The following NAT9 variants were observed in gnomAD, a reference collection of about 807,000 sequenced individuals.
The protein encoded by NAT9 is N-acetyltransferase 9.
In NAT9, 18 loss-of-function variants were observed where a neutral mutation model predicts 24.0. The observed-to-expected ratio is 0.75, with a 90% CI of 0.52 to 1.11. The LOEUF is 1.11. NAT9 is among the 50% of genes most tolerant of loss of function. The probability of loss-of-function intolerance (pLI) is 0.00; values close to 1 mark genes in which losing one functional copy is unlikely to be tolerated. For missense variants in NAT9, 254 were observed against 258.6 expected (o/e 0.98, Z 0.12); for synonymous variants, 104 against 102.3 (o/e 1.02, Z -0.10).
At chr17:74,773,307 G>T in intron 3 of NAT9, 1 of 590,718 alleles carries the variant, frequency 1.7e-6, no homozygotes, top group Non-Finnish European at 3.0e-6. Context: ...AGGGACATGA[G>T]GGGCAGGGCC....
rs994505556 is a variant in NAT9, at chr17:74,771,643, C to T, written c.*81G>A. ...TCCCAGCCTGGGCCAGGAGCACTCT[C>T]CCAGTGCAGGGCTCTGGTCTTTGAA... On this transcript the variant is annotated 3_prime_UTR_variant, in exon 7 of 7. Coordinates refer to ENST00000357814, the MANE Select transcript of NAT9 (RefSeq NM_015654.5). 1.3e-6 allele frequency: 2 copies of T among 1,573,350 alleles called. No homozygotes were observed. The highest frequency in any genetic ancestry group is 2.7e-5 in the African/African-American group (2 of 74,310).
intron 3 of NAT9, 196 bp from the exon 4 acceptor site, chr17:74,773,235 C>A: frequency 1.5e-6 from 1 of 670,652 alleles, no homozygotes; most frequent in South Asian, 2.0e-5. Context: ...CTCCAACCAG[C>A]AACCAAATTC....
In NAT9 at chr17:74,775,677, A is replaced by G. The variant is rs753056956; in HGVS notation, c.22T>C (p.Leu8=). 3.1e-6 allele frequency: 5 copies of G among 1,613,950 alleles called. No homozygotes were observed. Among genetic ancestry groups the G allele is most frequent in the African/African-American group, 2.7e-5 (2 of 74,890 alleles). Residue 8 remains leucine, a synonymous_variant, in exon 2 of 7, where the codon TTG becomes CTG. Coordinates refer to ENST00000357814, the MANE Select transcript of NAT9 (RefSeq NM_015654.5). Reference sequence around the variant, plus strand: ...AGGACCACCTTCTTCCCCAGCAGCAAGGTGTTCTGATTCAACCTCATGGTA... The same window carrying G: ...AGGACCACCTTCTTCCCCAGCAGCAGGGTGTTCTGATTCAACCTCATGGTA... MRLNQNT[L]LLGKKVVLVP...
chr17:74,772,110 G>A (rs878949037), intron 5 of NAT9, 56 bp from the exon 6 acceptor site: 7 of 1,613,774 alleles, frequency 4.3e-6, no homozygotes, highest in South Asian at 3.3e-5. Flanking sequence ...CCACCCTCCT[G>A]TCCCAAGCTG....
rs940015071 is a variant in NAT9 at position 74,773,485 on chromosome 17, C to T, written c.190+91G>A. The T allele has an allele frequency of 4.1e-5, 47 of 1,140,852 alleles. No homozygotes were observed. The African/African-American group carries it at 4.1e-4, about 10-fold the overall frequency. 70.7% of individuals were successfully genotyped at this position (1,140,852 alleles called of 1,614,324 possible). Reference sequence around the variant, plus strand: ...AGGCTTTTCACAAAGCTTCTATGGCCGGGGCTGGGAAAGGGAAGGAACCTG... The same window carrying T: ...AGGCTTTTCACAAAGCTTCTATGGCTGGGGCTGGGAAAGGGAAGGAACCTG... On this transcript the variant is annotated intron_variant, in intron 3 of 6. Transcript: ENST00000357814.
Position 74,771,310 on chromosome 17 carries a change from A to C in NAT9, c.*414T>G. The stretch of plus-strand genomic sequence containing the variant: ...AGCTCTTCACATGGACCAAACGGGA[A>C]AATCAGGAAAGCTGGTAGTGCCTGG... On this transcript the variant is annotated 3_prime_UTR_variant, in exon 7 of 7. Coordinates refer to ENST00000357814, the MANE Select transcript of NAT9 (RefSeq NM_015654.5). 2 of 219,818 alleles carry C rather than the reference A, an allele frequency of 9.1e-6. No homozygotes were observed. The highest frequency in any genetic ancestry group is 1.9e-5 in the Non-Finnish European group (2 of 107,196). The allele number at this position is 219,818 out of a possible 1,614,324, so 13.6% of individuals were successfully genotyped here.
At position 74,773,539 on chromosome 17, in the gene NAT9, G is replaced by A. The variant is rs751573678; in HGVS notation, c.190+37C>T. The stretch of plus-strand genomic sequence containing the variant: ...ACTGACTGTGGAGTCAGCCCTCCCA[G>A]TACCAGGGCTAGGGGAAGTGGGGGG... On this transcript the variant is annotated intron_variant, in intron 3 of 6. Transcript: ENST00000357814. 6.4e-6 allele frequency: 10 copies of A among 1,553,016 alleles called. No homozygotes were observed. In the South Asian group the frequency reaches 1.0e-4, roughly 16 times the overall value.
chr17:74,772,422 A>T, intron 4 of NAT9, 145 bp from the exon 5 acceptor site: 1 of 1,422,388 alleles, frequency 7.0e-7, no homozygotes, highest in South Asian at 1.4e-5. Flanking sequence ...AGGCACAAAG[A>T]AGTGTGAAAG....
In NAT9 at chr17:74,773,681, G is replaced by C. The variant is rs1230551806; in HGVS notation, c.85C>G (p.His29Asp). 6.2e-7 allele frequency: 1 copy of C among 1,613,858 alleles called. No individual in the cohort carries two copies. The highest frequency in any genetic ancestry group is 2.2e-5 in the East Asian group (1 of 44,894). The change falls in exon 3 of 7, where the codon CAC becomes GAC. Residue 29 changes from histidine to aspartate, a missense_variant. Transcript: ENST00000357814. The stretch of plus-strand genomic sequence containing the variant: ...AGCTCCTCTGATTTCATCCACTCGT[G>C]GTACCTGCTGGGACAGAGGGGTGGC... ...YTSEHVPSRYHEWMKSEELQR... is the reference protein window; with the variant it reads ...YTSEHVPSRYDEWMKSEELQR...
chr17:74,773,546 G>C (rs1480686765), intron 3 of NAT9, 30 bp downstream of exon 3: 2 of 1,584,602 alleles, frequency 1.3e-6, no homozygotes, highest in East Asian at 2.2e-5. Flanking sequence ...CCAGTACCAG[G>C]GCTAGGGGAA....
chr17:74,775,777 G>A (rs867910281), intron 1 of NAT9, 70 bp from the exon 2 acceptor site: 1 of 1,295,858 alleles, frequency 7.7e-7, no homozygotes, highest in African/African-American at 1.5e-5. Flanking sequence ...AGGCGCTCCA[G>A]CTTTCCTGCT....
rs778097530 is a variant in NAT9 at position 74,772,923 on chromosome 17, A to G, written c.307T>C (p.Leu103=). 12 of 1,614,014 alleles carry G rather than the reference A, an allele frequency of 7.4e-6. No homozygotes were observed. The highest frequency in any genetic ancestry group is 2.2e-5 in the East Asian group (1 of 44,890). ...LFLTDLEDLT[L]GEIEVMIAEP... is the part of the protein sequence containing the mutation. Reference sequence around the variant, plus strand: ...GCAATCATGACCTCGATCTCCCCCAAGGTGAGGTCTTCTAGATCTGTGAGG... The same window carrying G: ...GCAATCATGACCTCGATCTCCCCCAGGGTGAGGTCTTCTAGATCTGTGAGG... Residue 103 remains leucine (L), a synonymous_variant, in exon 4 of 7, where the codon TTG becomes CTG. Transcript: ENST00000357814.
chr17:74,771,076 A>G lies in NAT9; in HGVS notation c.*648T>C. On this transcript the variant is annotated 3_prime_UTR_variant, in exon 7 of 7. Coordinates refer to ENST00000357814, the MANE Select transcript of NAT9 (RefSeq NM_015654.5). Reference sequence around the variant, plus strand: ...CAGCAGAGGGGTGTTTTCCAGCCACAAGGAGCTGTATCTAACACTAATGCC... The same window carrying G: ...CAGCAGAGGGGTGTTTTCCAGCCACGAGGAGCTGTATCTAACACTAATGCC... The G allele has an allele frequency of 6.5e-6, 1 of 153,650 alleles. No individual in the cohort carries two copies. The highest frequency in any genetic ancestry group is 1.5e-5 in the Non-Finnish European group (1 of 68,932). The allele number at this position is 153,650 out of a possible 1,614,324, so 9.5% of individuals were successfully genotyped here.
At chr17:74,775,018 G>A (rs2035818874) in intron 2 of NAT9, among the ~76,000 whole-genome samples, 1 of 151,694 alleles carries the variant, frequency 6.6e-6, no homozygotes. Flanking sequence ...AACAAGCCCA[G>A]CTAATTTTTT....
In NAT9 at chr17:74,771,346, CCA is replaced by C. The variant is rs1302024395; in HGVS notation, c.*376_*377del. 1 of 258,880 alleles carries C rather than the reference CCA, an allele frequency of 3.9e-6. No individual in the cohort carries two copies. The highest frequency in any genetic ancestry group is 7.6e-6 in the Non-Finnish European group (1 of 131,290). The allele number at this position is 258,880 out of a possible 1,614,324, so 16.0% of individuals were successfully genotyped here. A position where few individuals can be genotyped will look rare whatever the true frequency, so the allele number is the denominator to read the frequency against. ...GCTGGTAGTGCCTGGAGCTTCACTCCCAGCCAGGGCAGCACCTCTGGCCTCTA... is the reference window on the plus strand; with the variant it reads ...GCTGGTAGTGCCTGGAGCTTCACTCCGCCAGGGCAGCACCTCTGGCCTCTA... On this transcript the variant is annotated 3_prime_UTR_variant, in exon 7 of 7. Coordinates refer to ENST00000357814, the MANE Select transcript of NAT9 (RefSeq NM_015654.5).
chr17:74,772,068 T>C lies in NAT9; in HGVS notation c.395-14A>G. On this transcript the variant is annotated splice_polypyrimidine_tract_variant and intron_variant, in intron 5 of 6. Transcript: ENST00000357814. Reference sequence around the variant, plus strand: ...GCGTGGTCACTCCTCGCAGAGGAGATGAGACAGGGGCAAGTAAGGAGGCGC... The same window carrying C: ...GCGTGGTCACTCCTCGCAGAGGAGACGAGACAGGGGCAAGTAAGGAGGCGC... 1.9e-6 allele frequency: 3 copies of C among 1,614,166 alleles called. No individual in the cohort carries two copies. The highest frequency in any genetic ancestry group is 2.2e-5 in the East Asian group (1 of 44,878).
rs371689642 is a variant in NAT9, at chr17:74,771,943, C to T, written c.489+17G>A. On this transcript the variant is annotated intron_variant, in intron 6 of 6. Coordinates refer to ENST00000357814, the MANE Select transcript of NAT9 (RefSeq NM_015654.5). ...CCACCCAGGTCTAAGCCCCACTCTG[C>T]CCCAGGACATCCTTACCTGCTCAAA... 1.9e-6 allele frequency: 3 copies of T among 1,614,224 alleles called. No homozygotes were observed. The highest frequency in any genetic ancestry group is 2.5e-6 in the Non-Finnish European group (3 of 1,180,010).
At chr17:74,776,066 CT>C (rs1274908162) in intron 1 of NAT9, 200 bp downstream of exon 1, 1 of 189,960 alleles carries the variant, frequency 5.3e-6, no homozygotes, top group African/African-American at 2.3e-5. Context: ...CCAGAATCAA[CT>C]TTCAGCCCTG....
rs772232484 is a variant in NAT9, at chr17:74,770,916, G to C, written c.*808C>G. On this transcript the variant is annotated 3_prime_UTR_variant, in exon 7 of 7. Transcript: ENST00000357814. ...CCACTGCCCCCGCGTGGCCAGTCAGGTGCAGCTGCTCCCAGAGATGGAGGG... is the reference window on the plus strand; with the variant it reads ...CCACTGCCCCCGCGTGGCCAGTCAGCTGCAGCTGCTCCCAGAGATGGAGGG... 1 of 152,270 alleles carries C rather than the reference G, an allele frequency of 6.6e-6. No individual in the cohort carries two copies. The allele number at this position is 152,270 out of a possible 1,614,324, so 9.4% of individuals were successfully genotyped here. A position where few individuals can be genotyped will look rare whatever the true frequency, so the allele number is the denominator to read the frequency against.
Sources: allele counts gnomAD v4.1 joint callset (sites outside exome capture counted in the v4.1 genomes callset), GRCh38; gene constraint gnomAD v4.1.1; transcripts MANE v1.5; gene names NCBI Gene and HGNC (gene_info 2026-07-23, HGNC 2026-07-21).